The following ZFPM2 variants were observed in gnomAD, a reference collection of about 807,000 sequenced individuals.
ZFPM2 encodes zinc finger protein ZFPM2.
In ZFPM2, 20 loss-of-function variants were observed where a neutral mutation model predicts 98.6. That is an observed-to-expected ratio of 0.20 (90% CI 0.14 to 0.29). The LOEUF (loss-of-function observed/expected upper bound fraction) is 0.29, where lower values mean the gene tolerates loss of function less well. Among genes scored for constraint, ZFPM2 ranks in the 10% least tolerant of loss-of-function variants. ZFPM2 has a pLI of 1.00. For synonymous variants in ZFPM2, 518 were observed against 502.7 expected (o/e 1.03, Z -0.41); for missense variants, 1,310 against 1,388.6 (o/e 0.94, Z 0.90).
chr8:105,643,313 CCAT>C (rs1311693939), intron 5 of ZFPM2, among the ~76,000 whole-genome samples: 4 of 152,144 alleles, frequency 2.6e-5, no homozygotes, highest in Non-Finnish European at 2.9e-5. Context: ...CACTGCATCA[CCAT>C]CGTTTTCCTA....
At chr8:105,609,659 GC>G (rs1184140522) in intron 4 of ZFPM2, among the ~76,000 whole-genome samples, 3 of 152,252 alleles carry the variant, frequency 2.0e-5, no homozygotes, top group African/African-American at 7.2e-5. Context: ...AGTAGACAGT[GC>G]CTGATGGATA....
chr8:105,608,041 A>G (rs72673769), intron 4 of ZFPM2, among the ~76,000 whole-genome samples: 14,976 of 152,180 alleles, frequency 0.098, 1,007 homozygotes, highest in Middle Eastern at 0.21. Flanking sequence ...GGGAACATGG[A>G]TGGAGCTGGA....
intron 1 of ZFPM2, among the ~76,000 whole-genome samples, chr8:105,415,707 A>G (rs138122159): frequency 1.3e-5 from 2 of 152,218 alleles, no homozygotes; most frequent in South Asian, 4.1e-4. Flanking sequence ...GAAACATGCA[A>G]TGTAGAGAGT....
At chr8:105,688,605 GA>G (rs201650188) in intron 5 of ZFPM2, among the ~76,000 whole-genome samples, 33 of 152,112 alleles carry the variant, frequency 2.2e-4, no homozygotes, top group African/African-American at 7.2e-4. Flanking sequence ...ACTATTCATA[GA>G]TTTTTTTGTT....
intron 3 of ZFPM2, among the ~76,000 whole-genome samples, chr8:105,460,740 G>C (rs62527177): frequency 0.087 from 13,245 of 151,798 alleles, 676 homozygotes; most frequent in South Asian, 0.14. Flanking sequence ...ATAAAAGCAA[G>C]AGTTTTCTTA....
At chr8:105,694,504 A>G (rs1810971624) in intron 5 of ZFPM2, among the ~76,000 whole-genome samples, 2 of 152,190 alleles carry the variant, frequency 1.3e-5, no homozygotes, top group South Asian at 2.1e-4. Context: ...CAGGTCTCCA[A>G]TCTGTAATAT....
At chr8:105,671,909 A>G (rs1382867544) in intron 5 of ZFPM2, among the ~76,000 whole-genome samples, 1 of 151,952 alleles carries the variant, frequency 6.6e-6, no homozygotes, top group African/African-American at 2.4e-5. Context: ...AAAGCAATCA[A>G]CTCTTAATTA....
intron 1 of ZFPM2, among the ~76,000 whole-genome samples, chr8:105,371,014 CTG>C (rs1465037259): frequency 6.6e-6 from 1 of 152,176 alleles, no homozygotes; most frequent in Non-Finnish European, 1.5e-5. Context: ...GCTACTGACT[CTG>C]TGATGCTAAT....
At chr8:105,383,282 C>T (rs564773887) in intron 1 of ZFPM2, among the ~76,000 whole-genome samples, 1 of 152,148 alleles carries the variant, frequency 6.6e-6, no homozygotes, top group African/African-American at 2.4e-5. Flanking sequence ...GAGTAAGCAC[C>T]TATCCATGAG....
chr8:105,604,917 C>G (rs925948414), intron 4 of ZFPM2, among the ~76,000 whole-genome samples: 3 of 151,934 alleles, frequency 2.0e-5, no homozygotes, highest in Non-Finnish European at 4.4e-5. Context: ...GTATGTTTTG[C>G]TATTTCACCA....
intron 4 of ZFPM2, among the ~76,000 whole-genome samples, chr8:105,584,731 A>G (rs777440535): frequency 6.6e-6 from 1 of 152,206 alleles, no homozygotes; most frequent in Non-Finnish European, 1.5e-5. Context: ...CTGATAAAGC[A>G]CCAGGGAAAC....
intron 1 of ZFPM2, among the ~76,000 whole-genome samples, chr8:105,376,893 C>A (rs898151965): frequency 1.3e-5 from 2 of 152,162 alleles, no homozygotes; most frequent in African/African-American, 4.8e-5. Context: ...CCATGCCACT[C>A]ACTAGCTTAA....
At chr8:105,579,758 A>C (rs541207478) in intron 4 of ZFPM2, among the ~76,000 whole-genome samples, 5 of 152,292 alleles carry the variant, frequency 3.3e-5, no homozygotes, top group Non-Finnish European at 7.4e-5. Context: ...AGGAACAAAA[A>C]TCAGTATTTC....
chr8:105,584,680 A>G (rs1464179630), intron 4 of ZFPM2, among the ~76,000 whole-genome samples: 1 of 152,224 alleles, frequency 6.6e-6, no homozygotes, highest in African/African-American at 2.4e-5. Flanking sequence ...AACTTGGCAA[A>G]TAGTAGCAAC....
At chr8:105,636,447 G>GAT (rs1816849052) in intron 5 of ZFPM2, among the ~76,000 whole-genome samples, 1 of 152,072 alleles carries the variant, frequency 6.6e-6, no homozygotes, top group African/African-American at 2.4e-5. Flanking sequence ...TTCTCTTCTT[G>GAT]ATGCTCCCAT....
intron 4 of ZFPM2, among the ~76,000 whole-genome samples, chr8:105,578,422 C>T (rs1815515193): frequency 6.6e-6 from 1 of 151,912 alleles, no homozygotes; most frequent in South Asian, 2.1e-4. Flanking sequence ...TCCAGTTTCT[C>T]CAGTTTTACT....
chr8:105,380,110 T>C (rs1226143735), intron 1 of ZFPM2, among the ~76,000 whole-genome samples: 1 of 152,190 alleles, frequency 6.6e-6, no homozygotes, highest in Non-Finnish European at 1.5e-5. Context: ...AACAGTGATA[T>C]TGAATTTTGA....
intron 1 of ZFPM2, among the ~76,000 whole-genome samples, chr8:105,363,309 A>AGCC (rs1346891803): frequency 6.6e-6 from 1 of 152,168 alleles, no homozygotes; most frequent in East Asian, 1.9e-4. Flanking sequence ...CACTGTGGGT[A>AGCC]GCCACACCAT....
At chr8:105,681,965 C>T (rs567216366) in intron 5 of ZFPM2, among the ~76,000 whole-genome samples, 3 of 152,126 alleles carry the variant, frequency 2.0e-5, no homozygotes, top group South Asian at 2.1e-4. Flanking sequence ...TTGTCTGATA[C>T]GTGCCTGATA....
Sources: allele counts gnomAD v4.1 joint callset (sites outside exome capture counted in the v4.1 genomes callset), GRCh38; gene constraint gnomAD v4.1.1; transcripts MANE v1.5; gene names NCBI Gene and HGNC (gene_info 2026-07-23, HGNC 2026-07-21).